The following SEMA3A variants were observed in gnomAD, a reference collection of about 807,000 sequenced individuals.
SEMA3A encodes the protein semaphorin 3A, also known as semaphorin-3A.
In SEMA3A, 29 loss-of-function variants were observed where a neutral mutation model predicts 97.9. The observed-to-expected ratio is 0.30, with a 90% CI of 0.22 to 0.40. The LOEUF (loss-of-function observed/expected upper bound fraction) is 0.40, where lower values mean the gene tolerates loss of function less well. Ranked by LOEUF, SEMA3A falls within the 10% of genes least tolerant of loss-of-function variation. The pLI is 1.00. For synonymous variants in SEMA3A, 321 were observed against 323.7 expected, an observed-to-expected ratio of 0.99 and a Z score of 0.09; for missense variants, 763 against 951.3, an observed-to-expected ratio of 0.80 and a Z score of 2.60.
intron 2 of SEMA3A, among the ~76,000 whole-genome samples, chr7:84,316,130 CAAAAAAAA>C (rs202005657): frequency 0.016 from 495 of 30,184 alleles, 23 homozygotes; most frequent in Non-Finnish European, 0.013. Context: ...GACTCTATCT[CAAAAAAAA>C]AAAAAAAAAA....
chr7:84,349,984 A>G (rs1005604288), intron 2 of SEMA3A, among the ~76,000 whole-genome samples: 14 of 151,820 alleles, frequency 9.2e-5, no homozygotes, highest in Admixed American at 2.6e-4. Context: ...AATATATCCA[A>G]ATTGGAAAAA....
At chr7:83,964,759 G>T (rs1442643397) in intron 15 of SEMA3A, among the ~76,000 whole-genome samples, 3 of 152,132 alleles carry the variant, frequency 2.0e-5, no homozygotes, top group African/African-American at 7.2e-5. Flanking sequence ...TGATTGCAAT[G>T]TAAAGAAATA....
intron 1 of SEMA3A, among the ~76,000 whole-genome samples, chr7:84,450,184 T>C (rs1365834552): frequency 6.6e-6 from 1 of 152,266 alleles, no homozygotes; most frequent in East Asian, 1.9e-4. Context: ...CCTTTCACAT[T>C]CCCACTAACA....
chr7:84,005,358 A>G lies in SEMA3A; in HGVS notation c.1341T>C (p.Asp447=), dbSNP rs1790622383. The G allele has an allele frequency of 1.9e-6, 3 of 1,612,976 alleles. No individual in the cohort carries two copies. Among genetic ancestry groups the G allele is most frequent in the South Asian group, 2.2e-5 (2 of 91,050 alleles). Residue 447 remains aspartate, a synonymous_variant, in exon 11 of 17, where the codon GAT becomes GAC. Transcript: ENST00000265362. ...DRVDAEDGQY[D]VMFIGTDVGT... is the part of the protein sequence containing the mutation. ...ATTTACCTGTTCCGATAAACATAACATCATACTGTCCATCTTCTGCATCCA... is the reference window on the plus strand; with the variant it reads ...ATTTACCTGTTCCGATAAACATAACGTCATACTGTCCATCTTCTGCATCCA...
chr7:84,220,090 C>G (rs553028670), intron 3 of SEMA3A, among the ~76,000 whole-genome samples: 1 of 152,094 alleles, frequency 6.6e-6, no homozygotes, highest in Non-Finnish European at 1.5e-5. Flanking sequence ...CAAACCCTGC[C>G]CATGCATTAT....
rs371336936 is a variant in SEMA3A at position 84,016,435 on chromosome 7, G to A, written c.668-2084C>T. ...CTCCTGTAGTCCCAGCTACTTGGGAGGCTGAGGCAGGAGAATGGCATTAAC... is the reference window on the plus strand; with the variant it reads ...CTCCTGTAGTCCCAGCTACTTGGGAAGCTGAGGCAGGAGAATGGCATTAAC... On this transcript the variant is annotated intron_variant, in intron 6 of 16. Transcript: ENST00000265362. Among the ~76,000 whole-genome samples, 128 of 152,040 alleles carry A rather than the reference G, an allele frequency of 8.4e-4. 2 individuals carry two copies. Among genetic ancestry groups the A allele is most frequent in the African/African-American group, 2.9e-3 (122 of 41,478 alleles).
At chr7:84,366,098 C>G (rs947054039) in intron 2 of SEMA3A, among the ~76,000 whole-genome samples, 4 of 151,338 alleles carry the variant, frequency 2.6e-5, no homozygotes, top group Non-Finnish European at 4.4e-5. Flanking sequence ...CACAGACAGA[C>G]ACATTATTAT....
At chr7:84,397,087 T>C (rs1803756216) in intron 1 of SEMA3A, among the ~76,000 whole-genome samples, 1 of 151,996 alleles carries the variant, frequency 6.6e-6, no homozygotes, top group Non-Finnish European at 1.5e-5. Context: ...TTTCCATGTT[T>C]ATAATGAAAG....
rs1562968908 is a variant in SEMA3A at position 84,007,523 on chromosome 7, C to G, written c.996-26G>C. ...CTGAACAAGACAGCAAGAATAAAAACAGAAGTTCATCTTTATACAATGGTA... is the reference window on the plus strand; with the variant it reads ...CTGAACAAGACAGCAAGAATAAAAAGAGAAGTTCATCTTTATACAATGGTA... On this transcript the variant is annotated intron_variant, in intron 9 of 16. Transcript: ENST00000265362. 3 of 1,490,310 alleles carry G rather than the reference C, an allele frequency of 2.0e-6. No homozygotes were observed. The Admixed American group carries it at 6.4e-5, about 32-fold the overall frequency. 92.3% of individuals were successfully genotyped at this position (1,490,310 alleles called of 1,614,324 possible). A position where few individuals can be genotyped will look rare whatever the true frequency, so the allele number is the denominator to read the frequency against.
intron 1 of SEMA3A, among the ~76,000 whole-genome samples, chr7:84,436,716 C>T (rs1345879287): frequency 6.6e-6 from 1 of 152,042 alleles, no homozygotes; most frequent in Non-Finnish European, 1.5e-5. Flanking sequence ...TCTCATAAAA[C>T]AATCTATAAG....
chr7:84,300,944 T>C (rs1279694313), intron 3 of SEMA3A, among the ~76,000 whole-genome samples: 1 of 152,092 alleles, frequency 6.6e-6, no homozygotes. Context: ...TCTGAATAGA[T>C]TTAAATTATT....
At chr7:84,094,934 A>T (rs1794710143) in intron 4 of SEMA3A, among the ~76,000 whole-genome samples, 1 of 151,866 alleles carries the variant, frequency 6.6e-6, no homozygotes, top group South Asian at 2.1e-4. Context: ...ACATTTACAG[A>T]TATATATCCA....
upstream of SEMA3A, among the ~76,000 whole-genome samples, chr7:84,198,182 CT>C (rs1250974509): frequency 1.3e-5 from 2 of 151,860 alleles, no homozygotes; most frequent in African/African-American, 4.8e-5. Context: ...TTATATTGGC[CT>C]TTTTTTATTT....
intron 1 of SEMA3A, among the ~76,000 whole-genome samples, chr7:84,384,032 T>C (rs1803336749): frequency 6.6e-6 from 1 of 152,176 alleles, no homozygotes; most frequent in South Asian, 2.1e-4. Flanking sequence ...GAAACCTCAT[T>C]AATCATTTGT....
At chr7:84,302,094 C>A (rs938549723) in intron 3 of SEMA3A, among the ~76,000 whole-genome samples, 12 of 151,974 alleles carry the variant, frequency 7.9e-5, no homozygotes, top group Middle Eastern at 3.4e-3. Context: ...AATGGACTAC[C>A]ATTCAGTAAT....
intron 1 of SEMA3A, among the ~76,000 whole-genome samples, chr7:84,475,710 T>C (rs1806264825): frequency 6.6e-6 from 1 of 152,198 alleles, no homozygotes. Context: ...AACTTACAGA[T>C]GATGAGTACA....
intron 9 of SEMA3A, among the ~76,000 whole-genome samples, 181 bp from the exon 10 acceptor site, chr7:84,007,678 A>C (rs1790723194): frequency 6.6e-6 from 1 of 152,202 alleles, no homozygotes; most frequent in Non-Finnish European, 1.5e-5. Context: ...AAAAGAACAA[A>C]AAATTGTGAT....
At chr7:84,028,145 G>A (rs1488648829) in intron 6 of SEMA3A, among the ~76,000 whole-genome samples, 1 of 152,110 alleles carries the variant, frequency 6.6e-6, no homozygotes, top group Non-Finnish European at 1.5e-5. Context: ...ATACATTGCA[G>A]TAAATTGTAA....
intron 1 of SEMA3A, among the ~76,000 whole-genome samples, chr7:84,429,551 G>GTATAT (rs1562945161): frequency 1.3e-4 from 7 of 52,608 alleles, no homozygotes; most frequent in East Asian, 1.9e-3. Context: ...TATATATAGC[G>GTATAT]AGAGAGAGAG....
Sources: allele counts gnomAD v4.1 joint callset (sites outside exome capture counted in the v4.1 genomes callset), GRCh38; gene constraint gnomAD v4.1.1; transcripts MANE v1.5; gene names NCBI Gene and HGNC (gene_info 2026-07-23, HGNC 2026-07-21).